Variants in R3HDM2 observed in about 807,000 individuals in gnomAD.
R3HDM2 encodes R3H domain containing 2, also known as R3H domain-containing protein 2.
Under a neutral mutation model 124.5 loss-of-function variants are expected in R3HDM2, and 38 were observed. That is an observed-to-expected ratio of 0.31 (90% CI 0.24 to 0.40). The LOEUF (loss-of-function observed/expected upper bound fraction) is 0.40, where lower values mean the gene tolerates loss of function less well. Among genes scored for constraint, R3HDM2 ranks in the 10% least tolerant of loss-of-function variants. R3HDM2 has a pLI of 1.00. For synonymous variants in R3HDM2, 391 were observed against 448.0 expected, an observed-to-expected ratio of 0.87 and a Z score of 1.61; for missense variants, 869 against 1,236.9, an observed-to-expected ratio of 0.70 and a Z score of 4.46.
In R3HDM2 at chr12:57,320,261, C is replaced by CAAAAA. The variant is rs56207989; in HGVS notation, c.-35-9803_-35-9799dup. 4.2e-4 allele frequency among the ~76,000 whole-genome samples: 6 copies of CAAAAA among 14,286 alleles called. 1 individual carries two copies. Among genetic ancestry groups the CAAAAA allele is most frequent in the African/African-American group, 6.8e-4 (3 of 4,408 alleles). The allele number at this position is 14,286 out of a possible 152,430, so 9.4% of individuals were successfully genotyped here. ...GGGCAACAAGAGTGCAACTCTATCT[C>CAAAAA]AAAAAAAAAAAAAAAAAAAAAAAAA... On this transcript the variant is annotated intron_variant, in intron 2 of 23. Coordinates refer to ENST00000402412, the MANE Select transcript of R3HDM2 (RefSeq NM_001394031.1).
intron 12 of R3HDM2, 149 bp from the exon 13 acceptor site, chr12:57,284,205 A>G: frequency 1.4e-6 from 1 of 739,004 alleles, no homozygotes; most frequent in South Asian, 1.8e-5. Flanking sequence ...TGGCTGGCCA[A>G]CTAAGAGTTG....
intron 2 of R3HDM2, among the ~76,000 whole-genome samples, chr12:57,344,674 C>G (rs571558077): frequency 6.6e-6 from 1 of 152,146 alleles, no homozygotes; most frequent in Non-Finnish European, 1.5e-5. Context: ...GAAAATATAA[C>G]AACCAGAACA....
chr12:57,363,867 TAAA>T (rs776661796), intron 2 of R3HDM2, among the ~76,000 whole-genome samples: 1 of 143,398 alleles, frequency 7.0e-6, no homozygotes, highest in East Asian at 2.0e-4. Flanking sequence ...CTCCATCTCT[TAAA>T]AAAAAAAAAG....
Position 57,350,749 on chromosome 12 carries a change from G to C in R3HDM2, c.-35-40286C>G, listed in dbSNP as rs141111200. 1.2e-3 allele frequency among the ~76,000 whole-genome samples: 187 copies of C among 152,278 alleles called. 1 individual carries two copies. The highest frequency in any genetic ancestry group is 4.1e-3 in the African/African-American group (171 of 41,556). On this transcript the variant is annotated intron_variant, in intron 2 of 23. Transcript: ENST00000402412. ...GCAGGAGGATCGCTTGAGCTCAGGA[G>C]TTCAAGACCAGCCTGGGCAACATAG...
chr12:57,318,131 A>C (rs1028187108), intron 2 of R3HDM2, among the ~76,000 whole-genome samples: 6 of 151,878 alleles, frequency 4.0e-5, no homozygotes, highest in African/African-American at 7.3e-5. Context: ...CTCTACTAAA[A>C]ATACAAAAAT....
chr12:57,415,580 GAAAA>G (rs60093547), intron 1 of R3HDM2, among the ~76,000 whole-genome samples: 4 of 144,846 alleles, frequency 2.8e-5, no homozygotes, highest in Non-Finnish European at 1.5e-5. Context: ...GCCAGGGGTG[GAAAA>G]AAAAAAAAAA....
chr12:57,340,103 A>G (rs1593549832), intron 2 of R3HDM2, among the ~76,000 whole-genome samples: 2 of 152,316 alleles, frequency 1.3e-5, no homozygotes, highest in Middle Eastern at 6.8e-3. Context: ...AACTTTTGGC[A>G]ATTTTTCCCT....
chr12:57,333,851 G>A (rs527715922), intron 2 of R3HDM2, among the ~76,000 whole-genome samples: 6 of 151,934 alleles, frequency 3.9e-5, no homozygotes, highest in Non-Finnish European at 7.4e-5. Context: ...GACCAGCCTG[G>A]CTAACGTGGC....
chr12:57,378,266 T>C (rs951621411), intron 2 of R3HDM2, among the ~76,000 whole-genome samples: 3 of 152,148 alleles, frequency 2.0e-5, no homozygotes, highest in African/African-American at 2.4e-5. Flanking sequence ...AAAGGGGACA[T>C]GAAAGGGCAA....
At chr12:57,268,859 G>A in intron 17 of R3HDM2, 63 bp downstream of exon 17, 2 of 1,561,386 alleles carry the variant, frequency 1.3e-6, no homozygotes, top group Non-Finnish European at 1.7e-6. Flanking sequence ...ATGACCCTGG[G>A]AGGCTCTCCT....
intron 2 of R3HDM2, among the ~76,000 whole-genome samples, chr12:57,346,243 G>T (rs1485282446): frequency 6.6e-6 from 1 of 151,254 alleles, no homozygotes; most frequent in African/African-American, 2.4e-5. Context: ...GATCACCTGA[G>T]GCTAGGAGTT....
At chr12:57,305,704 T>A (rs1369626856) in intron 3 of R3HDM2, 1 of 398,768 alleles carries the variant, frequency 2.5e-6, no homozygotes, top group African/African-American at 2.1e-5. Flanking sequence ...TACAGTACAT[T>A]AAGTGTACTA....
intron 10 of R3HDM2, among the ~76,000 whole-genome samples, chr12:57,293,521 T>C (rs2049077486): frequency 6.6e-6 from 1 of 152,126 alleles, no homozygotes; most frequent in Non-Finnish European, 1.5e-5. Context: ...GATCACCACC[T>C]CTGAGTAGCC....
chr12:57,395,376 T>C (rs1334099799), intron 2 of R3HDM2, among the ~76,000 whole-genome samples: 2 of 141,314 alleles, frequency 1.4e-5, no homozygotes, highest in African/African-American at 5.1e-5. Context: ...TGGTGGTGCA[T>C]GCCTGTAATC....
chr12:57,270,332 C>T (rs1190629605), intron 14 of R3HDM2, among the ~76,000 whole-genome samples: 2 of 152,238 alleles, frequency 1.3e-5, no homozygotes, highest in Admixed American at 1.3e-4. Flanking sequence ...AAGCAATTCT[C>T]GTGCCTCAGC....
In R3HDM2 at chr12:57,334,922, G is replaced by C. The variant is rs11172167; in HGVS notation, c.-35-24459C>G. ...AGAGGCCAAAGCAGGAGTGTCACCT[G>C]AGGCTAGCAGTTTGAGAGCAGCCTG... is the stretch of plus-strand genomic sequence containing the variant. On this transcript the variant is annotated intron_variant, in intron 2 of 23. Coordinates refer to ENST00000402412, the MANE Select transcript of R3HDM2 (RefSeq NM_001394031.1). 8.2e-3 allele frequency among the ~76,000 whole-genome samples: 1,238 copies of C among 151,306 alleles called. 16 individuals carry two copies. The highest frequency in any genetic ancestry group is 0.028 in the African/African-American group (1,155 of 41,254).
intron 1 of R3HDM2, among the ~76,000 whole-genome samples, chr12:57,423,583 G>A (rs556464210): frequency 5.9e-5 from 9 of 151,872 alleles, no homozygotes; most frequent in Non-Finnish European, 1.0e-4. Context: ...AGGCCGAGGC[G>A]GGTGGACTGT....
intron 2 of R3HDM2, among the ~76,000 whole-genome samples, chr12:57,320,910 T>G (rs532623949): frequency 1.2e-4 from 19 of 152,270 alleles, no homozygotes; most frequent in Admixed American, 5.2e-4. Context: ...AAGACAACGA[T>G]ATCTAGGTGC....
At chr12:57,398,783 C>A (rs1287838816) in intron 1 of R3HDM2, among the ~76,000 whole-genome samples, 4 of 152,170 alleles carry the variant, frequency 2.6e-5, no homozygotes, top group Admixed American at 6.5e-5. Context: ...GCCACCGCAC[C>A]CAGCCCTCTC....
Sources: allele counts gnomAD v4.1 joint callset (sites outside exome capture counted in the v4.1 genomes callset), GRCh38; gene constraint gnomAD v4.1.1; transcripts MANE v1.5; gene names NCBI Gene and HGNC (gene_info 2026-07-23, HGNC 2026-07-21).